Variants in ERICH3 observed in about 807,000 individuals in gnomAD.
The protein encoded by ERICH3 is glutamate-rich protein 3.
In ERICH3, 126 loss-of-function variants were observed where a neutral mutation model predicts 131.1. The observed-to-expected ratio is 0.96, with a 90% CI of 0.83 to 1.11. The LOEUF is 1.11. ERICH3 is among the 50% of genes most tolerant of loss of function. The pLI is 0.00. For synonymous variants in ERICH3, 695 were observed against 644.6 expected (o/e 1.08, Z -1.18); for missense variants, 2,050 against 1,810.7 (o/e 1.13, Z -2.40).
chr1:74,576,545 A>G (rs145267491), intron 13 of ERICH3, among the ~76,000 whole-genome samples: 18 of 152,284 alleles, frequency 1.2e-4, no homozygotes, highest in Admixed American at 5.2e-4. Context: ...GCTATGAACA[A>G]TAAAGTCCTT....
At chr1:74,622,207 A>G (rs1271574587) in intron 7 of ERICH3, 1 of 152,228 alleles carries the variant, frequency 6.6e-6, no homozygotes, top group African/African-American at 2.4e-5. Context: ...ATCTGATGGA[A>G]TGAAATTCTG....
At chr1:74,574,926 T>A (rs1234996962) in intron 13 of ERICH3, among the ~76,000 whole-genome samples, 4 of 151,894 alleles carry the variant, frequency 2.6e-5, no homozygotes, top group African/African-American at 9.7e-5. Context: ...TTTTATTAAT[T>A]AAAAAATCAC....
Position 74,573,582 on chromosome 1 carries a change from G to A in ERICH3, c.2219-91C>T, listed in dbSNP as rs187348953. ...ATCTTATATCACACTTATTTACAGT[G>A]TGAGATATTTATATGTGATATCAAG... On this transcript the variant is annotated intron_variant, in intron 13 of 14. Coordinates refer to ENST00000326665, the MANE Select transcript of ERICH3 (RefSeq NM_001002912.5). 2.8e-3 allele frequency: 3,777 copies of A among 1,327,154 alleles called. 7 individuals are homozygous for A. Among genetic ancestry groups the A allele is most frequent in the Admixed American group, 5.3e-3 (161 of 30,204 alleles). 82.2% of individuals were successfully genotyped at this position (1,327,154 alleles called of 1,614,324 possible). A position where few individuals can be genotyped will look rare whatever the true frequency, so the allele number is the denominator to read the frequency against.
chr1:74,665,899 C>T (rs1646687614), intron 1 of ERICH3, among the ~76,000 whole-genome samples: 1 of 152,124 alleles, frequency 6.6e-6, no homozygotes, highest in African/African-American at 2.4e-5. Flanking sequence ...AAGTCCATGA[C>T]ACAGAAATAA....
At chr1:74,673,391 C>A in intron 1 of ERICH3, 106 bp downstream of exon 1, 1 of 1,411,482 alleles carries the variant, frequency 7.1e-7, no homozygotes, top group Non-Finnish European at 9.8e-7. Flanking sequence ...AGCCCTCCCC[C>A]TCGCTCCCCT....
chr1:74,571,025 A>C, intron 14 of ERICH3, 74 bp downstream of exon 14: 2 of 1,513,216 alleles, frequency 1.3e-6, no homozygotes, highest in Middle Eastern at 1.8e-4. Context: ...TAAAGGGACA[A>C]GCCAGCCCCA....
At chr1:74,614,993 C>T (rs1183595035) in intron 8 of ERICH3, among the ~76,000 whole-genome samples, 22 of 152,150 alleles carry the variant, frequency 1.4e-4, no homozygotes, top group Admixed American at 1.4e-3. Context: ...GTTCCCAGTT[C>T]AGGAAGAGAG....
rs59177710 is a variant in ERICH3 at position 74,582,549 on chromosome 1, G to T, written c.2177-5613C>A. On this transcript the variant is annotated intron_variant, in intron 12 of 14. Transcript: ENST00000326665. ...TTTCTAATTAACATTCTCCCTAAAAGTCGATTTATAGCCTTCATATCACTT... is the reference window on the plus strand; with the variant it reads ...TTTCTAATTAACATTCTCCCTAAAATTCGATTTATAGCCTTCATATCACTT... Among the ~76,000 whole-genome samples, 506 of 152,082 alleles carry T rather than the reference G, an allele frequency of 3.3e-3. 2 individuals are homozygous for T. Among genetic ancestry groups the T allele is most frequent in the African/African-American group, 0.011 (476 of 41,516 alleles).
At chr1:74,660,198 G>A (rs749190510) in intron 1 of ERICH3, among the ~76,000 whole-genome samples, 3 of 152,150 alleles carry the variant, frequency 2.0e-5, no homozygotes, top group African/African-American at 7.2e-5. Flanking sequence ...GGAAGGACAT[G>A]TTTGGTTCCC....
intron 10 of ERICH3, among the ~76,000 whole-genome samples, chr1:74,605,285 T>C (rs1027886350): frequency 1.3e-5 from 2 of 151,978 alleles, no homozygotes; most frequent in African/African-American, 4.8e-5. Context: ...GAGAATGTTG[T>C]GGCTAGTTAG....
intron 12 of ERICH3, among the ~76,000 whole-genome samples, chr1:74,588,288 C>A (rs1482963674): frequency 6.6e-6 from 1 of 152,188 alleles, no homozygotes; most frequent in Non-Finnish European, 1.5e-5. Context: ...AGCCACATAG[C>A]ATTTTTTACC....
intron 6 of ERICH3, among the ~76,000 whole-genome samples, chr1:74,633,394 T>C (rs974301385): frequency 6.6e-6 from 1 of 151,764 alleles, no homozygotes; most frequent in African/African-American, 2.4e-5. Context: ...TATATTGTAA[T>C]AAAAAATAAA....
At chr1:74,614,593 C>G (rs1380388580) in intron 8 of ERICH3, among the ~76,000 whole-genome samples, 1 of 150,026 alleles carries the variant, frequency 6.7e-6, no homozygotes, top group African/African-American at 2.5e-5. Flanking sequence ...AGGAGAATGG[C>G]GTGAACCCGG....
intron 7 of ERICH3, among the ~76,000 whole-genome samples, chr1:74,627,848 A>G (rs138060910): frequency 3.1e-4 from 47 of 152,284 alleles, no homozygotes; most frequent in African/African-American, 1.0e-3. Context: ...AATGCATAAA[A>G]TATATGTAGA....
At chr1:74,632,415 A>G (rs1038079202) in intron 6 of ERICH3, among the ~76,000 whole-genome samples, 2 of 152,082 alleles carry the variant, frequency 1.3e-5, no homozygotes, top group Non-Finnish European at 2.9e-5. Flanking sequence ...GTAAATTATT[A>G]CATTTACAGA....
At chr1:74,674,074 GTGCTAAAA>G (rs2100666772), upstream of ERICH3, among the ~76,000 whole-genome samples, 1 of 152,322 alleles carries the variant, frequency 6.6e-6, no homozygotes, top group African/African-American at 2.4e-5. Flanking sequence ...GTGGTTTCCA[GTGCTAAAA>G]CAGCGATTGC....
intron 10 of ERICH3, 24 bp from the exon 11 acceptor site, chr1:74,599,955 T>A: frequency 1.3e-6 from 2 of 1,547,548 alleles, no homozygotes; most frequent in Non-Finnish European, 1.8e-6. Flanking sequence ...ATCTCCACTA[T>A]AAGAATGAAA....
chr1:74,650,955 G>A (rs749467469), intron 1 of ERICH3, among the ~76,000 whole-genome samples: 3 of 151,880 alleles, frequency 2.0e-5, no homozygotes, highest in African/African-American at 7.3e-5. Context: ...CAGAGTCAGG[G>A]AGAGGCAGAG....
chr1:74,599,636 A>G, intron 11 of ERICH3, 59 bp downstream of exon 11: 1 of 1,339,230 alleles, frequency 7.5e-7, no homozygotes. Context: ...GAAAACAAAG[A>G]AAAGTAGTAA....
Sources: allele counts gnomAD v4.1 joint callset (sites outside exome capture counted in the v4.1 genomes callset), GRCh38; gene constraint gnomAD v4.1.1; transcripts MANE v1.5; gene names NCBI Gene and HGNC (gene_info 2026-07-23, HGNC 2026-07-21).